OTOGL: variants seen among roughly 807,000 people sequenced by gnomAD.
OTOGL encodes otogelin like, also known as otogelin-like protein.
OTOGL carries 285 observed loss-of-function variants against 318.5 expected under a neutral mutation model. That is an observed-to-expected ratio of 0.89 (90% CI 0.81 to 0.99). The LOEUF is 0.99. OTOGL is among the 50% of genes least tolerant of loss of function. OTOGL has a pLI of 0.00. For missense variants in OTOGL, 2,899 were observed against 2,845.6 expected (o/e 1.02, Z -0.43); for synonymous variants, 987 against 936.5 (o/e 1.05, Z -0.99).
intron 1 of OTOGL, among the ~76,000 whole-genome samples, chr12:80,115,986 C>G (rs1056970531): frequency 1.4e-5 from 2 of 141,920 alleles, no homozygotes; most frequent in African/African-American, 5.5e-5. Context: ...GCTTCCTGGG[C>G]TCTGTGGGAC....
rs766040312 is a variant in OTOGL, at chr12:80,355,962, A to G, written c.5806+14A>G. 6.2e-7 allele frequency: 1 copy of G among 1,609,608 alleles called. No homozygotes were observed. The highest frequency in any genetic ancestry group is 1.1e-5 in the South Asian group (1 of 90,984). ...AGGAAGTTTGTGGTATGTATGCAGA[A>G]GCCTTATAGTCAATTGATTCCACAA... On this transcript the variant is annotated intron_variant, in intron 47 of 58. Coordinates refer to ENST00000547103, the MANE Select transcript of OTOGL (RefSeq NM_001378609.3).
chr12:80,217,099 C>A lies in OTOGL; in HGVS notation c.169-499C>A, dbSNP rs139326742. ...TTTTCTTTACCGATTGGTGTGCAGG[C>A]AGGCAGGACATCACCATCTGTTGGT... On this transcript the variant is annotated intron_variant, in intron 4 of 58. Coordinates refer to ENST00000547103, the MANE Select transcript of OTOGL (RefSeq NM_001378609.3). Among the ~76,000 whole-genome samples, 364 of 152,226 alleles carry A rather than the reference C, an allele frequency of 2.4e-3. 1 individual carries two copies. Among genetic ancestry groups the A allele is most frequent in the African/African-American group, 8.5e-3 (355 of 41,548 alleles).
At chr12:80,343,293 A>G (rs1223558954) in intron 44 of OTOGL, among the ~76,000 whole-genome samples, 2 of 152,206 alleles carry the variant, frequency 1.3e-5, no homozygotes, top group East Asian at 1.9e-4. Context: ...TAGTTCCAGG[A>G]CCTTCACAGA....
At chr12:80,124,592 G>A (rs1870693884) in intron 1 of OTOGL, among the ~76,000 whole-genome samples, 1 of 152,206 alleles carries the variant, frequency 6.6e-6, no homozygotes, top group Non-Finnish European at 1.5e-5. Context: ...TTGGTAGCTT[G>A]ATGGGGATGG....
intron 1 of OTOGL, among the ~76,000 whole-genome samples, chr12:80,185,544 C>T (rs900825674): frequency 5.3e-5 from 8 of 152,186 alleles, no homozygotes; most frequent in Non-Finnish European, 8.8e-5. Flanking sequence ...TCACCTTGGC[C>T]TCCGAAAGTA....
At chr12:80,182,669 A>T (rs149905688) in intron 1 of OTOGL, among the ~76,000 whole-genome samples, 8 of 152,308 alleles carry the variant, frequency 5.3e-5, no homozygotes, top group African/African-American at 1.9e-4. Flanking sequence ...TTCAGATAGA[A>T]TGCAGTAGGG....
intron 22 of OTOGL, 109 bp downstream of exon 22, chr12:80,267,436 T>C: frequency 6.5e-6 from 3 of 464,942 alleles, no homozygotes; most frequent in Non-Finnish European, 9.1e-6. Context: ...AGTTCTAGGG[T>C]ATATGTGTAC....
intron 48 of OTOGL, 68 bp downstream of exon 48, chr12:80,356,588 C>T: frequency 8.1e-7 from 1 of 1,239,448 alleles, no homozygotes; most frequent in African/African-American, 1.5e-5. Context: ...ATTAGATTCT[C>T]ATTCATTGTG....
chr12:80,335,941 A>C, intron 38 of OTOGL, 22 bp from the exon 39 acceptor site: 1 of 1,493,656 alleles, frequency 6.7e-7, no homozygotes, highest in East Asian at 2.4e-5. Context: ...GAAAAAACCC[A>C]CTAATCTTTT....
intron 1 of OTOGL, among the ~76,000 whole-genome samples, chr12:80,148,693 A>G (rs146285358): frequency 0.019 from 2,818 of 152,256 alleles, 79 homozygotes; most frequent in African/African-American, 0.062. Context: ...AGGTACACGA[A>G]TCAGATGTAG....
intron 1 of OTOGL, among the ~76,000 whole-genome samples, chr12:80,180,711 C>A (rs1273326329): frequency 6.6e-6 from 1 of 152,078 alleles, no homozygotes; most frequent in African/African-American, 2.4e-5. Flanking sequence ...ACTGAGAGGG[C>A]CAATAATGTT....
At chr12:80,269,093 A>G (rs1368154794) in intron 22 of OTOGL, among the ~76,000 whole-genome samples, 1 of 152,058 alleles carries the variant, frequency 6.6e-6, no homozygotes, top group Admixed American at 6.6e-5. Flanking sequence ...AGCAAATTCA[A>G]TCAGAAGTGA....
At chr12:80,262,185 T>C in intron 19 of OTOGL, 92 bp downstream of exon 19, 1 of 1,249,530 alleles carries the variant, frequency 8.0e-7, no homozygotes, top group Non-Finnish European at 1.0e-6. Context: ...TAGTTTAAAT[T>C]CTAATTTTCT....
At chr12:80,106,777 A>G (rs895846464) in intron 1 of OTOGL, among the ~76,000 whole-genome samples, 2 of 152,166 alleles carry the variant, frequency 1.3e-5, no homozygotes, top group African/African-American at 4.8e-5. Flanking sequence ...AGTGGCCATT[A>G]AATTCTTTTA....
chr12:80,103,094 G>A, intron 1 of OTOGL: 2 of 1,113,754 alleles, frequency 1.8e-6, no homozygotes, highest in South Asian at 1.2e-5. Flanking sequence ...ATTCAATGTA[G>A]ATAACATATT....
At chr12:80,236,821 T>A (rs534838929) in intron 9 of OTOGL, among the ~76,000 whole-genome samples, 3 of 149,040 alleles carry the variant, frequency 2.0e-5, no homozygotes, top group East Asian at 3.9e-4. Flanking sequence ...CTTTTCTTTT[T>A]TTTTTTTGTT....
At chr12:80,251,565 A>G in intron 11 of OTOGL, 128 bp from the exon 12 acceptor site, 1 of 646,630 alleles carries the variant, frequency 1.5e-6, no homozygotes, top group East Asian at 2.8e-5. Context: ...TGAGTGACAC[A>G]TATGCTGACA....
chr12:80,251,753 T>G lies in OTOGL; in HGVS notation c.1113T>G (p.His371Gln). 1 of 1,593,364 alleles carries G rather than the reference T, an allele frequency of 6.3e-7. No homozygotes were observed. Among genetic ancestry groups the G allele is most frequent in the South Asian group, 1.1e-5 (1 of 87,256 alleles). The change falls in exon 12 of 59, where the codon CAT becomes CAG. Residue 371 changes from histidine to glutamine, a missense_variant. Physicochemically the swap from His to Gln is conservative, Grantham distance 24. Around this residue, in one of 3 missense-constraint regions of OTOGL, gnomAD observed 2,607 missense variants for 2,524.9 expected, o/e 1.03. Coordinates refer to ENST00000547103, the MANE Select transcript of OTOGL (RefSeq NM_001378609.3). Reference protein sequence around the residue: ...AATEYARACSHAGYPIQDWRD... With the variant: ...AATEYARACSQAGYPIQDWRD... Reference sequence around the variant, plus strand: ...CTGAGTATGCTAGAGCCTGCTCTCATGCTGGCTACCCTATTCAAGACTGGA... The same window carrying G: ...CTGAGTATGCTAGAGCCTGCTCTCAGGCTGGCTACCCTATTCAAGACTGGA...
At chr12:80,189,419 G>A (rs1875522766) in intron 1 of OTOGL, 1 of 985,118 alleles carries the variant, frequency 1.0e-6, no homozygotes, top group Admixed American at 6.2e-5. Context: ...CAAGACCCAA[G>A]CAGCTGGGAA....
Sources: allele counts gnomAD v4.1 joint callset (sites outside exome capture counted in the v4.1 genomes callset), GRCh38; gene constraint gnomAD v4.1.1; regional missense constraint gnomAD v4.1.1; transcripts MANE v1.5; gene names NCBI Gene and HGNC (gene_info 2026-07-23, HGNC 2026-07-21).